The following ARHGEF12 variants were observed in gnomAD, a reference collection of about 807,000 sequenced individuals.
The protein encoded by ARHGEF12 is Rho guanine nucleotide exchange factor 12.
ARHGEF12 carries 66 observed loss-of-function variants against 211.2 expected under a neutral mutation model. The ratio of observed to expected loss-of-function variants is 0.31; its 90% CI spans 0.26 to 0.38. ARHGEF12 has a LOEUF of 0.38. ARHGEF12 is among the 10% of genes least tolerant of loss of function. ARHGEF12 has a pLI of 1.00. For missense variants in ARHGEF12, 1,429 were observed against 1,869.5 expected, an observed-to-expected ratio of 0.76 and a Z score of 4.34; for synonymous variants, 592 against 638.4, an observed-to-expected ratio of 0.93 and a Z score of 1.09.
chr11:120,461,611 A>G (rs1336388970), intron 27 of ARHGEF12, among the ~76,000 whole-genome samples: 1 of 152,194 alleles, frequency 6.6e-6, no homozygotes, highest in African/African-American at 2.4e-5. Flanking sequence ...CTGAAGTCAG[A>G]CATTGATTTC....
intron 5 of ARHGEF12, 117 bp downstream of exon 5, chr11:120,420,968 A>T (rs1426956307): frequency 4.8e-6 from 4 of 826,800 alleles, no homozygotes; most frequent in Admixed American, 2.4e-5. Context: ...CATGTGGACT[A>T]TTGTGCTAGA....
At chr11:120,413,379 C>A (rs761131990) in intron 4 of ARHGEF12, among the ~76,000 whole-genome samples, 1 of 152,092 alleles carries the variant, frequency 6.6e-6, no homozygotes, top group South Asian at 2.1e-4. Context: ...TTATGTTTAT[C>A]TTTACATCTC....
At position 120,409,465 on chromosome 11, in the gene ARHGEF12, C is replaced by G; in HGVS notation, c.199+15C>G. 1 of 1,612,826 alleles carries G rather than the reference C, an allele frequency of 6.2e-7. No homozygotes were observed. The highest frequency in any genetic ancestry group is 8.5e-7 in the Non-Finnish European group (1 of 1,179,190). On this transcript the variant is annotated intron_variant, in intron 4 of 40. Coordinates refer to ENST00000397843, the MANE Select transcript of ARHGEF12 (RefSeq NM_015313.3). ...CGAGATATATGGTAAGCTAATGTAG[C>G]TAATTCAGCCTTGCCCTTTGGAGCT...
At chr11:120,457,969 C>T (rs935938521) in intron 24 of ARHGEF12, 111 bp from the exon 25 acceptor site, 1 of 1,325,792 alleles carries the variant, frequency 7.5e-7, no homozygotes. Context: ...AATTTCAGTG[C>T]TAAGTCAGAT....
At chr11:120,341,432 A>G (rs1942533821) in intron 1 of ARHGEF12, among the ~76,000 whole-genome samples, 3 of 152,188 alleles carry the variant, frequency 2.0e-5, no homozygotes, top group Admixed American at 6.5e-5. Context: ...ATTTGAGGCA[A>G]ACATTCATGG....
chr11:120,356,719 A>G (rs908330356), intron 1 of ARHGEF12, among the ~76,000 whole-genome samples: 7 of 152,000 alleles, frequency 4.6e-5, no homozygotes, highest in African/African-American at 9.7e-5. Flanking sequence ...GTTTTTCTGT[A>G]TTTTGCTAAA....
intron 6 of ARHGEF12, among the ~76,000 whole-genome samples, chr11:120,423,154 T>C (rs952448748): frequency 6.6e-5 from 10 of 152,120 alleles, no homozygotes; most frequent in Admixed American, 5.9e-4. Flanking sequence ...TTAATGAGGA[T>C]ATGGCCAACC....
At chr11:120,376,745 C>G (rs574145861) in intron 1 of ARHGEF12, among the ~76,000 whole-genome samples, 25 of 152,160 alleles carry the variant, frequency 1.6e-4, no homozygotes, top group African/African-American at 6.0e-4. Flanking sequence ...AGATCTTATT[C>G]TATCGAACTA....
chr11:120,377,324 T>C (rs1943753704), intron 1 of ARHGEF12, among the ~76,000 whole-genome samples: 1 of 152,218 alleles, frequency 6.6e-6, no homozygotes, highest in Non-Finnish European at 1.5e-5. Flanking sequence ...GTATGTAATC[T>C]TTCTGTGTCT....
chr11:120,351,619 C>T (rs1311460355), intron 1 of ARHGEF12, among the ~76,000 whole-genome samples: 2 of 150,502 alleles, frequency 1.3e-5, no homozygotes, highest in African/African-American at 2.4e-5. Context: ...TATAGGCACC[C>T]GCCACCACGC....
At chr11:120,385,373 A>G (rs1005392696) in intron 1 of ARHGEF12, 1 of 985,282 alleles carries the variant, frequency 1.0e-6, no homozygotes, top group African/African-American at 1.7e-5. Context: ...ATATAAAGAA[A>G]AAGCTTAGGA....
chr11:120,467,395 G>C (rs1280329641), intron 29 of ARHGEF12, 87 bp downstream of exon 29: 1 of 651,298 alleles, frequency 1.5e-6, no homozygotes, highest in Non-Finnish European at 2.5e-6. Context: ...ACAGCGTCCT[G>C]AATGGAGTTG....
intron 11 of ARHGEF12, 139 bp from the exon 12 acceptor site, chr11:120,437,169 C>G: frequency 3.7e-6 from 2 of 534,944 alleles, no homozygotes; most frequent in Non-Finnish European, 6.4e-6. Flanking sequence ...AGTAGCAGAA[C>G]CAAGCATTTT....
Position 120,437,400 on chromosome 11 carries a change from G to C in ARHGEF12, c.999+18G>C. 1 of 1,593,420 alleles carries C rather than the reference G, an allele frequency of 6.3e-7. No individual in the cohort carries two copies. Among genetic ancestry groups the C allele is most frequent in the Non-Finnish European group, 8.6e-7 (1 of 1,163,988 alleles). On this transcript the variant is annotated intron_variant, in intron 12 of 40. Transcript: ENST00000397843. ...AGGACACTGTGAGTATGAAATCCAT[G>C]CAATGATAGTGCTGTCTTTGGCTTT...
At chr11:120,372,437 C>G (rs141885604) in intron 1 of ARHGEF12, among the ~76,000 whole-genome samples, 1 of 152,184 alleles carries the variant, frequency 6.6e-6, no homozygotes, top group Non-Finnish European at 1.5e-5. Flanking sequence ...TCACTATACC[C>G]TGTCATATAC....
chr11:120,347,957 G>A (rs1223292942), intron 1 of ARHGEF12, among the ~76,000 whole-genome samples: 1 of 152,112 alleles, frequency 6.6e-6, no homozygotes, highest in East Asian at 1.9e-4. Context: ...TAACATGATG[G>A]AAATATTTTA....
At chr11:120,351,424 TATATATATATATATATATATATATATATA>T (rs1565420428) in intron 1 of ARHGEF12, among the ~76,000 whole-genome samples, 7 of 7,064 alleles carry the variant, frequency 9.9e-4, no homozygotes, top group East Asian at 4.3e-3. Context: ...TATATATATA[TATATATATATATATATATATATATATATA>T]TATTTTTTTT....
In ARHGEF12 at chr11:120,347,270, CTGTGTGTGTG is replaced by C. The variant is rs55651421; in HGVS notation, c.32+10023_32+10032del. The stretch of plus-strand genomic sequence containing the variant: ...TTTCTCTCTCTCTCTCTCTCTCTGT[CTGTGTGTGTG>C]TGTGTGTGTGTGTGTGTGTGTGTGT... On this transcript the variant is annotated intron_variant, in intron 1 of 40. Transcript: ENST00000397843. Among the ~76,000 whole-genome samples, 287 of 79,874 alleles carry C rather than the reference CTGTGTGTGTG, an allele frequency of 3.6e-3. 1 individual carries two copies. Among genetic ancestry groups the C allele is most frequent in the East Asian group, 0.023 (79 of 3,434 alleles). The allele number at this position is 79,874 out of a possible 152,430, so 52.4% of individuals were successfully genotyped here.
At chr11:120,435,578 A>G (rs2135748667) in intron 11 of ARHGEF12, among the ~76,000 whole-genome samples, 1 of 143,798 alleles carries the variant, frequency 7.0e-6, no homozygotes, top group African/African-American at 2.6e-5. Flanking sequence ...GCAGTGACGC[A>G]ATCTCAGCTC....
Sources: allele counts gnomAD v4.1 joint callset (sites outside exome capture counted in the v4.1 genomes callset), GRCh38; gene constraint gnomAD v4.1.1; transcripts MANE v1.5; gene names NCBI Gene and HGNC (gene_info 2026-07-23, HGNC 2026-07-21).